TMPRSS15: variants seen among roughly 807,000 people sequenced by gnomAD.
The protein encoded by TMPRSS15 is enteropeptidase.
A neutral mutation model predicts 125.3 loss-of-function variants in TMPRSS15; 128 were observed. That is an observed-to-expected ratio of 1.02 (90% CI 0.89 to 1.18). TMPRSS15 has a LOEUF of 1.18. TMPRSS15 is among the 50% of genes most tolerant of loss of function. The pLI is 0.00. For missense variants in TMPRSS15, 1,283 were observed against 1,212.7 expected, an observed-to-expected ratio of 1.06 and a Z score of -0.86; for synonymous variants, 446 against 423.2, an observed-to-expected ratio of 1.05 and a Z score of -0.66.
At chr21:18,463,847 C>G (rs1978600825) in intron 1 of TMPRSS15, among the ~76,000 whole-genome samples, 1 of 152,080 alleles carries the variant, frequency 6.6e-6, no homozygotes, top group Non-Finnish European at 1.5e-5. Flanking sequence ...TCCTGAATGA[C>G]TACTGCATAA....
intron 6 of TMPRSS15, among the ~76,000 whole-genome samples, chr21:18,368,291 T>C (rs2075758294): frequency 6.6e-6 from 1 of 152,240 alleles, no homozygotes; most frequent in Non-Finnish European, 1.5e-5. Context: ...GTCTCTAGTT[T>C]CAAAGATGGT....
At chr21:18,353,116 A>G (rs2075587930) in intron 9 of TMPRSS15, 64 bp from the exon 10 acceptor site, 3 of 1,421,820 alleles carry the variant, frequency 2.1e-6, no homozygotes, top group African/African-American at 2.8e-5. Flanking sequence ...GTTATATTAG[A>G]TTGTATTGAA....
chr21:18,476,895 TTC>T (rs74681988), intron 1 of TMPRSS15, among the ~76,000 whole-genome samples: 4,094 of 150,052 alleles, frequency 0.027, 99 homozygotes, highest in Non-Finnish European at 0.039. Context: ...ACTTCTGCAA[TTC>T]TCTCTCTCTT....
At chr21:18,384,253 G>A (rs2075921555) in intron 3 of TMPRSS15, among the ~76,000 whole-genome samples, 1 of 152,138 alleles carries the variant, frequency 6.6e-6, no homozygotes, top group Non-Finnish European at 1.5e-5. Flanking sequence ...CTGATAGCAA[G>A]CTTATGGCAA....
chr21:18,425,746 G>T (rs2076201369), intron 1 of TMPRSS15, among the ~76,000 whole-genome samples: 1 of 151,948 alleles, frequency 6.6e-6, no homozygotes, highest in Non-Finnish European at 1.5e-5. Context: ...ATCCACATTT[G>T]GGAGAAAATG....
At chr21:18,307,346 A>G (rs2075049051) in intron 18 of TMPRSS15, among the ~76,000 whole-genome samples, 1 of 152,158 alleles carries the variant, frequency 6.6e-6, no homozygotes, top group African/African-American at 2.4e-5. Context: ...GTCTCTCTGT[A>G]TCTGGTTAGA....
intron 1 of TMPRSS15, among the ~76,000 whole-genome samples, chr21:18,423,479 G>A (rs1385068133): frequency 6.6e-6 from 1 of 150,856 alleles, no homozygotes; most frequent in Non-Finnish European, 1.5e-5. Context: ...CGCGATCTCG[G>A]CTCACTGCAA....
At chr21:18,477,891 C>T (rs1374400272) in intron 1 of TMPRSS15, among the ~76,000 whole-genome samples, 2 of 151,972 alleles carry the variant, frequency 1.3e-5, no homozygotes, top group African/African-American at 4.8e-5. Context: ...AGACTCCAAT[C>T]CTGTGTTTAA....
At chr21:18,303,141 G>A (rs2824725) in intron 18 of TMPRSS15, among the ~76,000 whole-genome samples, 3 of 151,956 alleles carry the variant, frequency 2.0e-5, no homozygotes, top group Non-Finnish European at 4.4e-5. Context: ...GGGTCTCCAG[G>A]AATCTCAGAC....
rs113787042 is a variant in TMPRSS15 at position 18,443,886 on chromosome 21, T to G, written c.10+41913A>C. Among the ~76,000 whole-genome samples the G allele has an allele frequency of 2.7e-3, 407 of 152,320 alleles. 2 individuals carry two copies. Among genetic ancestry groups the G allele is most frequent in the Admixed American group, 4.4e-3 (68 of 15,306 alleles). On this transcript the variant is annotated intron_variant, in intron 1 of 7. Transcript: ENST00000422787. ...CTCAGCCAGAGGGTGCAGCTTCCTG[T>G]TGTGGCGGGAAGCACCTGCACAGCA...
In TMPRSS15 at chr21:18,270,070, C is replaced by T; in HGVS notation, c.2959G>A (p.Gly987Ser). 6.2e-7 allele frequency: 1 copy of T among 1,613,950 alleles called. No individual in the cohort carries two copies. Among genetic ancestry groups the T allele is most frequent in the Non-Finnish European group, 8.5e-7 (1 of 1,179,904 alleles). The change falls in exon 25 of 25, where the codon GGT becomes AGT. Residue 987 changes from glycine to serine, a missense_variant. Gly to Ser is a moderately conservative substitution (Grantham distance 56). Coordinates refer to ENST00000284885, the MANE Select transcript of TMPRSS15 (RefSeq NM_002772.3). ...CQENNRWFLA[G>S]VTSFGYKCAL... ...CACTTGTATCCAAATGAGGTCACAC[C>T]AGCAAGGAACCACCTGTTGTTTTCT...
At chr21:18,341,113 G>T (rs1229339530) in intron 13 of TMPRSS15, among the ~76,000 whole-genome samples, 6 of 152,134 alleles carry the variant, frequency 3.9e-5, no homozygotes, top group Non-Finnish European at 5.9e-5. Flanking sequence ...CCAGGCTGGA[G>T]TGCAGTGACA....
chr21:18,321,380 T>A (rs1476880483), intron 16 of TMPRSS15, among the ~76,000 whole-genome samples: 16 of 110,038 alleles, frequency 1.5e-4, no homozygotes, highest in Non-Finnish European at 2.7e-4. Flanking sequence ...TGAGACGGAG[T>A]CTCACTCTGT....
chr21:18,484,086 T>A (rs1979034119), intron 1 of TMPRSS15, among the ~76,000 whole-genome samples: 1 of 151,930 alleles, frequency 6.6e-6, no homozygotes, highest in Admixed American at 6.6e-5. Context: ...TTTACTTATT[T>A]TCATTCTTTA....
chr21:18,441,921 C>A (rs2076243067), intron 1 of TMPRSS15, among the ~76,000 whole-genome samples: 1 of 151,990 alleles, frequency 6.6e-6, no homozygotes, highest in Middle Eastern at 3.2e-3. Context: ...GAACTCCTGA[C>A]CTCAAGTGAT....
At chr21:18,295,513 A>G (rs1187448599) in intron 19 of TMPRSS15, among the ~76,000 whole-genome samples, 2 of 152,228 alleles carry the variant, frequency 1.3e-5, no homozygotes, top group Non-Finnish European at 2.9e-5. Flanking sequence ...GCTACAGCTA[A>G]TTGTGCATGC....
chr21:18,351,001 T>C (rs1311104393), intron 10 of TMPRSS15, among the ~76,000 whole-genome samples: 4 of 152,026 alleles, frequency 2.6e-5, no homozygotes, highest in African/African-American at 9.7e-5. Flanking sequence ...TAAGTTGAAA[T>C]AGTGTGATGA....
At chr21:18,286,496 T>C (rs73320169) in intron 21 of TMPRSS15, among the ~76,000 whole-genome samples, 5,372 of 152,316 alleles carry the variant, frequency 0.035, 328 homozygotes, top group African/African-American at 0.12. Context: ...CTTTCCAATC[T>C]GATTTCTTCC....
In TMPRSS15 at chr21:18,421,016, T is replaced by A. The variant is rs77955109; in HGVS notation, c.11-22687A>T. On this transcript the variant is annotated intron_variant, in intron 1 of 7. Coordinates refer to the TMPRSS15 transcript ENST00000422787. ...ATCTCCAGGTGACTTATATGTACACTACATTTCTAAAAAGGGAGAGCTTGG... is the reference window on the plus strand; with the variant it reads ...ATCTCCAGGTGACTTATATGTACACAACATTTCTAAAAAGGGAGAGCTTGG... Among the ~76,000 whole-genome samples the A allele has an allele frequency of 1.7e-3, 266 of 152,276 alleles. 1 individual carries two copies. The highest frequency in any genetic ancestry group is 6.3e-3 in the African/African-American group (261 of 41,520).
Sources: allele counts gnomAD v4.1 joint callset (sites outside exome capture counted in the v4.1 genomes callset), GRCh38; gene constraint gnomAD v4.1.1; transcripts MANE v1.5; gene names NCBI Gene and HGNC (gene_info 2026-07-23, HGNC 2026-07-21).